PLEC: variants seen among roughly 807,000 people sequenced by gnomAD.
PLEC encodes the protein plectin, also known as hemidesmosomal protein 1.
PLEC carries 216 observed loss-of-function variants against 392.8 expected under a neutral mutation model. The ratio of observed to expected loss-of-function variants is 0.55; its 90% CI spans 0.49 to 0.62. PLEC has a LOEUF of 0.62. Among genes scored for constraint, PLEC ranks in the 20% least tolerant of loss-of-function variants. The pLI is 0.00. For missense variants in PLEC, 6,863 were observed against 6,563.4 expected (o/e 1.05, Z -1.58); for synonymous variants, 3,621 against 2,980.6 (o/e 1.21, Z -7.00).
chr8:143,943,928 G>A (rs781824184), upstream of PLEC: 5 of 1,600,904 alleles, frequency 3.1e-6, no homozygotes, highest in Non-Finnish European at 4.3e-6. Flanking sequence ...CCCTTCCTGC[G>A]CTGGGAACCG....
intron 13 of PLEC, 21 bp downstream of exon 13, chr8:143,933,176 G>C: frequency 1.2e-6 from 2 of 1,611,180 alleles, no homozygotes; most frequent in South Asian, 2.2e-5. Flanking sequence ...TGGGCTTCAG[G>C]GAGGGCAGGG....
intron 1 of PLEC, among the ~76,000 whole-genome samples, chr8:143,970,992 G>A (rs1304600409): frequency 6.6e-6 from 1 of 152,252 alleles, no homozygotes; most frequent in Non-Finnish European, 1.5e-5. Flanking sequence ...GCCCTGGATG[G>A]GGGACAGGGA....
chr8:143,922,832 C>T lies in PLEC; in HGVS notation c.7097G>A (p.Arg2366Gln), dbSNP rs576252504. The T allele has an allele frequency of 3.9e-5, 61 of 1,582,346 alleles. No homozygotes were observed. The highest frequency in any genetic ancestry group is 1.3e-4 in the South Asian group (11 of 88,000). ...CCGCTGCCGCTCGGCCTCCAGCGTC[C>T]GCTGGAAGCCCTGCGTCTCCTCCGC... Reference protein sequence around the residue: ...QLAEETQGFQRTLEAERQRQL... With the variant: ...QLAEETQGFQQTLEAERQRQL... Residue 2366 changes from arginine (R) to glutamine (Q), a missense_variant, in exon 31 of 32, where the codon CGG becomes CAG. Arg to Gln is a conservative substitution (Grantham distance 43, BLOSUM62 1). Transcript: ENST00000345136.
At chr8:143,943,376 TGAGGGCAC>T (rs1830857904), upstream of PLEC, among the ~76,000 whole-genome samples, 1 of 152,122 alleles carries the variant, frequency 6.6e-6, no homozygotes, top group African/African-American at 2.4e-5. Flanking sequence ...CCCGAGGGCA[TGAGGGCAC>T]CTGCCTCACC....
In PLEC at chr8:143,948,088, C is replaced by T. The variant is rs116009833; in HGVS notation, c.523+2096G>A. Among the ~76,000 whole-genome samples the T allele has an allele frequency of 7.4e-3, 1,122 of 152,370 alleles. 20 individuals carry two copies. Among genetic ancestry groups the T allele is most frequent in the African/African-American group, 0.026 (1,077 of 41,590 alleles). On this transcript the variant is annotated intron_variant, in intron 1 of 31. Coordinates refer to the PLEC transcript ENST00000322810. ...GTGCATGGCTAAACAAGCAGGTGGACGGATGGCTTCCCACACAGATGTGTT... is the reference window on the plus strand; with the variant it reads ...GTGCATGGCTAAACAAGCAGGTGGATGGATGGCTTCCCACACAGATGTGTT...
chr8:143,972,153 A>C (rs939427923), intron 1 of PLEC, among the ~76,000 whole-genome samples: 3 of 152,162 alleles, frequency 2.0e-5, no homozygotes, highest in Non-Finnish European at 2.9e-5. Flanking sequence ...GCTCAGAAAC[A>C]GCTCTGTCCT....
intron 1 of PLEC, among the ~76,000 whole-genome samples, chr8:143,948,226 GA>G (rs1225430939): frequency 6.6e-6 from 1 of 152,252 alleles, no homozygotes; most frequent in African/African-American, 2.4e-5. Context: ...GGGCTGGGTG[GA>G]GAGGGGCAGC....
In PLEC at chr8:143,934,801, C is replaced by A; in HGVS notation, c.945+9G>T. ...AGGCCCAGGACCCCGCCCCCCACGG[C>A]AGGCCCACCTCAATCTCCTCGAAGC... is the stretch of plus-strand genomic sequence containing the variant. On this transcript the variant is annotated intron_variant, in intron 9 of 31. Transcript: ENST00000345136. 6.2e-7 allele frequency: 1 copy of A among 1,611,760 alleles called. No homozygotes were observed. The highest frequency in any genetic ancestry group is 8.5e-7 in the Non-Finnish European group (1 of 1,179,884).
rs782115809 is a variant in PLEC at position 143,924,218 on chromosome 8, C to T, written c.5711G>A (p.Ser1904Asn). 1.9e-6 allele frequency: 3 copies of T among 1,598,678 alleles called. No homozygotes were observed. Among genetic ancestry groups the T allele is most frequent in the South Asian group, 1.1e-5 (1 of 91,064 alleles). The change falls in exon 31 of 32, where the codon AGC becomes AAC. Residue 1904 changes from serine (S) to asparagine (N), a missense_variant. Coordinates refer to ENST00000345136, the MANE Select transcript of PLEC (RefSeq NM_201384.3). ...CAGCCCCTTCTGCCGCTCCAGCTCGCTGTCCGATGCCTTGCGCAGCTGGGC... is the reference window on the plus strand; with the variant it reads ...CAGCCCCTTCTGCCGCTCCAGCTCGTTGTCCGATGCCTTGCGCAGCTGGGC... Reference protein sequence around the residue: ...RLAQLRKASDSELERQKGLVE... With the variant: ...RLAQLRKASDNELERQKGLVE...
Position 143,924,375 on chromosome 8 carries a change from C to G in PLEC, c.5554G>C (p.Ala1852Pro), listed in dbSNP as rs781958863. 6.3e-7 allele frequency: 1 copy of G among 1,596,634 alleles called. No individual in the cohort carries two copies. Among genetic ancestry groups the G allele is most frequent in the African/African-American group, 1.3e-5 (1 of 74,842 alleles). ...IGEATRLKTE[A>P]EIALKEKEAE... ...TCCTTCTCCTTGAGCGCGATCTCCG[C>G]CTCCGTCTTGAGCCGCGTGGCCTCG... The change falls in exon 31 of 32, where the codon GCG (alanine) becomes CCG (proline). Residue 1852 changes from alanine to proline, a missense_variant. Coordinates refer to ENST00000345136, the MANE Select transcript of PLEC (RefSeq NM_201384.3).
Position 143,973,379 on chromosome 8 carries a change from AG to A in PLEC, c.70+23del, listed in dbSNP as rs1554744913. On this transcript the variant is annotated intron_variant, in intron 1 of 31. Coordinates refer to the PLEC transcript ENST00000356346. This position sits in a 1 kb window ranked among gnomAD's most constrained non-coding sequence, Gnocchi z 5.6. The stretch of plus-strand genomic sequence containing the variant: ...GCTGGGCTGTCAGGAGCGGCCCGAC[AG>A]GCAGCGGGACGGGGGGCCGTACCTT... 1 of 1,558,022 alleles carries A rather than the reference AG, an allele frequency of 6.4e-7. No homozygotes were observed. The highest frequency in any genetic ancestry group is 8.7e-7 in the Non-Finnish European group (1 of 1,152,038).
chr8:143,923,588 G>A lies in PLEC; in HGVS notation c.6341C>T (p.Ala2114Val), dbSNP rs1175984292. 4.4e-6 allele frequency: 7 copies of A among 1,594,898 alleles called. No homozygotes were observed. The highest frequency in any genetic ancestry group is 5.9e-6 in the Non-Finnish European group (7 of 1,177,496). ...AAQSRRQVEEAERLKQSAEEQ... is the reference protein window; with the variant it reads ...AAQSRRQVEEVERLKQSAEEQ... ...CTCTGCCGACTGCTTCAGCCGCTCG[G>A]CCTCTTCCACCTGCCGCCGGGACTG... Residue 2114 changes from alanine (A) to valine (V), a missense_variant, in exon 31 of 32, where the codon GCC becomes GTC. By Grantham distance (64) the Ala-to-Val change is moderately conservative. Transcript: ENST00000345136.
chr8:143,938,178 C>G lies in PLEC; in HGVS notation c.237G>C (p.Leu79=). The stretch of plus-strand genomic sequence containing the variant: ...GGCTGTCCCCCGAGAGGACCTCCAG[C>G]AGGGAGATGAGGTTGTGGCCATCGC... ...DLRDGHNLIS[L]LEVLSGDSLP... Residue 79 remains leucine (L), a synonymous_variant, in exon 3 of 32, where the codon CTG becomes CTC. Coordinates refer to ENST00000345136, the MANE Select transcript of PLEC (RefSeq NM_201384.3). 6.2e-7 allele frequency: 1 copy of G among 1,608,458 alleles called. No individual in the cohort carries two copies. The highest frequency in any genetic ancestry group is 8.5e-7 in the Non-Finnish European group (1 of 1,179,118).
In PLEC at chr8:143,929,725, G is replaced by A. The variant is rs200482255; in HGVS notation, c.2844C>T (p.Pro948=). 2,387 of 1,599,786 alleles carry A rather than the reference G, an allele frequency of 1.5e-3. 5 individuals carry two copies. Among genetic ancestry groups the A allele is most frequent in the Non-Finnish European group, 1.8e-3 (2,138 of 1,179,200 alleles). The change falls in exon 23 of 32, where the codon CCC becomes CCT. Residue 948 remains proline (P), a synonymous_variant. Transcript: ENST00000345136. ...CGCGCTCAGCCATCAGCCGGTCCTC[G>A]GGTCCGAAGCCGCCCGCGTCCTGGC... is the stretch of plus-strand genomic sequence containing the variant. ...RDSQDAGGFG[P]EDRLMAEREY...
In PLEC at chr8:143,918,865, C is replaced by T. The variant is rs2130946012; in HGVS notation, c.10956G>A (p.Leu3652=). The T allele has an allele frequency of 6.2e-7, 1 of 1,612,950 alleles. No individual in the cohort carries two copies. Among genetic ancestry groups the T allele is most frequent in the African/African-American group, 1.3e-5 (1 of 75,074 alleles). ...CGAGAGAGATGATCCGAGCCTCGAA[C>T]AGGTCCTCAGCCGTGAGGCGGCGGC... ...YVRRRLTAED[L]FEARIISLET... Residue 3652 remains leucine, a synonymous_variant, in exon 32 of 32, where the codon CTG becomes CTA. Coordinates refer to ENST00000345136, the MANE Select transcript of PLEC (RefSeq NM_201384.3).
Position 143,938,233 on chromosome 8 carries a change from C to A in PLEC, c.182G>T (p.Arg61Met). The A allele has an allele frequency of 6.2e-7, 1 of 1,601,282 alleles. No individual in the cohort carries two copies. ...WVNKHLIKAQ[R>M]HISDLYEDLR... ...GTCTTCATACAGGTCACTGATGTGC[C>A]TCTGGGCCTGTGGGGACAGCAGCGG... The change falls in exon 3 of 32, where the codon AGG (arginine) becomes ATG (methionine). Residue 61 changes from arginine (R) to methionine (M), a missense_variant. Transcript: ENST00000345136.
intron 1 of PLEC, among the ~76,000 whole-genome samples, chr8:143,972,742 G>C (rs979933609): frequency 6.6e-6 from 1 of 152,238 alleles, no homozygotes; most frequent in South Asian, 2.1e-4. Context: ...AAGAATGGCC[G>C]GTGGGACCAG....
chr8:143,920,205 C>T lies in PLEC; in HGVS notation c.9616G>A (p.Gly3206Arg), dbSNP rs782594100. The change falls in exon 32 of 32, where the codon GGG becomes AGG. Residue 3206 changes from glycine (G) to arginine (R), a missense_variant. Physicochemically the swap from Gly to Arg is moderately radical, Grantham distance 125. Transcript: ENST00000345136. ...TCTGAGAGCGGCAGCAGGCTCAGCC[C>T]GGTCAGCTGGTCGGGCCGGCACCGC... ...QQRCRPDQLT[G>R]LSLLPLSEKA... The T allele has an allele frequency of 2.1e-5, 34 of 1,609,218 alleles. No individual in the cohort carries two copies. The highest frequency in any genetic ancestry group is 5.5e-5 in the South Asian group (5 of 90,998).
rs1554708243 is a variant in PLEC, at chr8:143,927,674, C to T, written c.3492G>A (p.Gln1164=). Residue 1164 remains glutamine, a synonymous_variant, in exon 27 of 32, where the codon CAG becomes CAA. Coordinates refer to ENST00000345136, the MANE Select transcript of PLEC (RefSeq NM_201384.3). ...CCACGTCCCGCTCCCCGTGCCGCTG[C>T]TGCAGTCGCTCCCCCACCTCCTGTG... ...RGAQEVGERL[Q]QRHGERDVEV... 8 of 1,581,114 alleles carry T rather than the reference C, an allele frequency of 5.1e-6. No individual in the cohort carries two copies.
Sources: allele counts gnomAD v4.1 joint callset (sites outside exome capture counted in the v4.1 genomes callset), GRCh38; gene constraint gnomAD v4.1.1; non-coding constraint Gnocchi (gnomAD v3.1); transcripts MANE v1.5; gene names NCBI Gene and HGNC (gene_info 2026-07-23, HGNC 2026-07-21).